TRABD2B: variants seen among roughly 807,000 people sequenced by gnomAD.
TRABD2B encodes the protein TraB domain containing 2B.
TRABD2B carries 14 observed loss-of-function variants against 40.1 expected under a neutral mutation model. The observed-to-expected ratio is 0.35, with a 90% CI of 0.23 to 0.55. The LOEUF (loss-of-function observed/expected upper bound fraction) is 0.55, where lower values mean the gene tolerates loss of function less well. TRABD2B is among the 20% of genes least tolerant of loss of function. TRABD2B has a pLI of 0.90. For missense variants in TRABD2B, 541 were observed against 648.6 expected (o/e 0.83, Z 1.80); for synonymous variants, 263 against 277.0 (o/e 0.95, Z 0.50).
At chr1:47,841,785 T>C (rs1645400557) in intron 2 of TRABD2B, among the ~76,000 whole-genome samples, 1 of 130,718 alleles carries the variant, frequency 7.7e-6, no homozygotes, top group Non-Finnish European at 1.7e-5. Context: ...CTTTTCTTTT[T>C]CTTTTTTTTT....
chr1:47,930,093 T>G (rs575482162), intron 2 of TRABD2B, among the ~76,000 whole-genome samples: 3 of 152,146 alleles, frequency 2.0e-5, no homozygotes, highest in African/African-American at 7.2e-5. Flanking sequence ...AGGTGCCCAG[T>G]TCTGGAGTGG....
At chr1:47,874,016 T>G (rs1176380953) in intron 2 of TRABD2B, among the ~76,000 whole-genome samples, 2 of 152,148 alleles carry the variant, frequency 1.3e-5, no homozygotes, top group African/African-American at 4.8e-5. Context: ...ATGGCCAGAC[T>G]GTGACCCTGT....
At chr1:47,770,080 C>A (rs1040169223) in intron 6 of TRABD2B, among the ~76,000 whole-genome samples, 1 of 152,200 alleles carries the variant, frequency 6.6e-6, no homozygotes, top group Non-Finnish European at 1.5e-5. Context: ...CCATCCCAGT[C>A]TAGGATCTGG....
intron 2 of TRABD2B, among the ~76,000 whole-genome samples, chr1:47,969,601 A>G (rs1645651748): frequency 6.6e-6 from 1 of 152,120 alleles, no homozygotes; most frequent in African/African-American, 2.4e-5. Context: ...TAGGGAAGAG[A>G]CCTCTCAGTC....
chr1:47,979,830 C>T (rs1645815470), intron 2 of TRABD2B, among the ~76,000 whole-genome samples: 1 of 152,160 alleles, frequency 6.6e-6, no homozygotes, highest in Admixed American at 6.5e-5. Flanking sequence ...CTTTCACCAC[C>T]TTGTTTCTAA....
chr1:47,766,709 G>C (rs1024220163), intron 6 of TRABD2B, among the ~76,000 whole-genome samples: 1 of 152,286 alleles, frequency 6.6e-6, no homozygotes, highest in African/African-American at 2.4e-5. Context: ...GTGGTGGCTG[G>C]CGGGGAGGCT....
At chr1:47,837,179 G>A (rs532107780) in intron 2 of TRABD2B, among the ~76,000 whole-genome samples, 49 of 152,310 alleles carry the variant, frequency 3.2e-4, no homozygotes, top group African/African-American at 1.0e-3. Flanking sequence ...ACAGTTGCTG[G>A]TGGGATCCAA....
chr1:47,822,917 C>T (rs1265776367), intron 2 of TRABD2B, among the ~76,000 whole-genome samples: 1 of 152,212 alleles, frequency 6.6e-6, no homozygotes, highest in Non-Finnish European at 1.5e-5. Flanking sequence ...GAGAGTGCCA[C>T]CTGGCCACAC....
At chr1:47,788,515 C>A (rs1644627288) in intron 4 of TRABD2B, among the ~76,000 whole-genome samples, 1 of 152,182 alleles carries the variant, frequency 6.6e-6, no homozygotes, top group Non-Finnish European at 1.5e-5. Flanking sequence ...GTTCTGCCTT[C>A]TGCCTGGACT....
chr1:47,831,177 G>T (rs1451974210), intron 2 of TRABD2B, among the ~76,000 whole-genome samples: 1 of 152,180 alleles, frequency 6.6e-6, no homozygotes, highest in South Asian at 2.1e-4. Flanking sequence ...GTCTGGAGAC[G>T]GGGGGCAAAC....
At chr1:47,980,572 CAG>C (rs1645826851) in intron 2 of TRABD2B, among the ~76,000 whole-genome samples, 1 of 152,198 alleles carries the variant, frequency 6.6e-6, no homozygotes, top group African/African-American at 2.4e-5. Context: ...GCAAATTGAA[CAG>C]AGATTCCTCT....
chr1:47,798,892 C>T (rs1463122214), intron 3 of TRABD2B, among the ~76,000 whole-genome samples: 1 of 152,194 alleles, frequency 6.6e-6, no homozygotes, highest in Non-Finnish European at 1.5e-5. Flanking sequence ...GCCTTGCTAC[C>T]CTGACACCAG....
At chr1:47,860,107 C>T (rs983555257) in intron 2 of TRABD2B, among the ~76,000 whole-genome samples, 2 of 152,164 alleles carry the variant, frequency 1.3e-5, no homozygotes, top group African/African-American at 2.4e-5. Flanking sequence ...CAGTCACTGG[C>T]CCTTGATGTC....
chr1:47,944,719 T>C (rs1222765342), intron 2 of TRABD2B, among the ~76,000 whole-genome samples: 1 of 152,200 alleles, frequency 6.6e-6, no homozygotes, highest in Non-Finnish European at 1.5e-5. Context: ...GCCACTTCTC[T>C]CTACTCCCTG....
chr1:47,986,813 A>C (rs1012720614), intron 2 of TRABD2B, among the ~76,000 whole-genome samples: 6 of 152,228 alleles, frequency 3.9e-5, no homozygotes, highest in Admixed American at 6.5e-5. Context: ...GCACAGATTT[A>C]AAAGCCTGTG....
chr1:47,953,536 T>C (rs1213949106), intron 2 of TRABD2B, among the ~76,000 whole-genome samples: 1 of 152,142 alleles, frequency 6.6e-6, no homozygotes, highest in East Asian at 1.9e-4. Flanking sequence ...AGGAAACCTC[T>C]CCTACTTACA....
intron 2 of TRABD2B, among the ~76,000 whole-genome samples, chr1:47,892,490 A>C (rs72898121): frequency 0.022 from 3,280 of 152,328 alleles, 58 homozygotes; most frequent in South Asian, 0.06. Flanking sequence ...CGAAGAGAGA[A>C]TTTGGGCTGC....
chr1:47,775,561 C>T lies in TRABD2B; in HGVS notation c.1080-122G>A, dbSNP rs904066852. ...AGGAGAAAGTGCCAGGGTGCCCCTG[C>T]TGGGCCCGGTGACAGCAGCCCAGGA... On this transcript the variant is annotated intron_variant, in intron 5 of 6. Transcript: ENST00000606738. The T allele has an allele frequency of 5.6e-5, 59 of 1,046,912 alleles. No homozygotes were observed. In the African/African-American group the frequency reaches 9.3e-4, roughly 17 times the overall value. 64.9% of individuals were successfully genotyped at this position (1,046,912 alleles called of 1,614,324 possible).
At chr1:47,854,273 G>T (rs1643868196) in intron 2 of TRABD2B, among the ~76,000 whole-genome samples, 2 of 152,148 alleles carry the variant, frequency 1.3e-5, no homozygotes, top group African/African-American at 4.8e-5. Flanking sequence ...CTTGGGAAGG[G>T]GTTACTAGGA....
Sources: gnomAD v4.1 joint callset for allele counts (sites outside exome capture counted in the v4.1 genomes callset) on GRCh38, gnomAD v4.1.1 for gene constraint, MANE v1.5 for transcripts, NCBI Gene and HGNC (gene_info 2026-07-23, HGNC 2026-07-21) for gene names.